IDO2: variants seen among roughly 807,000 people sequenced by gnomAD.
The protein encoded by IDO2 is indoleamine 2,3-dioxygenase-like 1 protein.
IDO2 carries 46 observed loss-of-function variants against 45.1 expected under a neutral mutation model. The ratio of observed to expected loss-of-function variants is 1.02; its 90% confidence interval spans 0.80 to 1.30. The LOEUF (loss-of-function observed/expected upper bound fraction) is 1.30, where lower values mean the gene tolerates loss of function less well. Ranked by LOEUF, IDO2 falls within the 50% of genes most tolerant of loss-of-function variation. IDO2 has a pLI of 0.00. For missense variants in IDO2, 544 were observed against 491.8 expected, an observed-to-expected ratio of 1.11 and a Z score of -1.00; for synonymous variants, 218 against 184.9, an observed-to-expected ratio of 1.18 and a Z score of -1.45.
chr8:40,010,344 A>G (rs1177947582), intron 9 of IDO2, among the ~76,000 whole-genome samples: 3 of 152,164 alleles, frequency 2.0e-5, no homozygotes, highest in African/African-American at 7.2e-5. Flanking sequence ...CAGGGCCGCA[A>G]CACTCAGGGG....
intron 8 of IDO2, 96 bp from the exon 9 acceptor site, chr8:40,005,231 A>T: frequency 1.5e-6 from 1 of 671,380 alleles, no homozygotes; most frequent in Non-Finnish European, 2.5e-6. Context: ...CATATCAGAT[A>T]GGGAAGGAAC....
intron 3 of IDO2, among the ~76,000 whole-genome samples, chr8:39,974,308 A>G (rs1164907406): frequency 6.6e-6 from 1 of 152,228 alleles, no homozygotes; most frequent in Admixed American, 6.5e-5. Context: ...TGGTAAAAAC[A>G]TGAATAGTAA....
At chr8:39,941,132 G>C (rs1201767269) in intron 1 of IDO2, among the ~76,000 whole-genome samples, 1 of 139,606 alleles carries the variant, frequency 7.2e-6, no homozygotes, top group East Asian at 2.3e-4. Context: ...TGAGGCAGGA[G>C]AAATGCTTGA....
intron 1 of IDO2, among the ~76,000 whole-genome samples, chr8:39,945,645 A>G (rs1807717294): frequency 6.6e-6 from 1 of 152,162 alleles, no homozygotes; most frequent in South Asian, 2.1e-4. Context: ...TATAACGAGG[A>G]GTGTCTGACA....
intron 2 of IDO2, 47 bp downstream of exon 2, chr8:39,949,311 G>A (rs770647740): frequency 1.7e-5 from 24 of 1,427,310 alleles, no homozygotes; most frequent in Non-Finnish European, 2.2e-5. Flanking sequence ...TGTTTCTTGA[G>A]ATGTTGGTTG....
intron 2 of IDO2, among the ~76,000 whole-genome samples, chr8:39,957,042 CAAAAAAAAAAAA>C (rs56064306): frequency 3.2e-5 from 1 of 31,342 alleles, no homozygotes; most frequent in Non-Finnish European, 6.0e-5. Context: ...GACTCCATCT[CAAAAAAAAAAAA>C]AAAAAAAAAA....
intron 1 of IDO2, among the ~76,000 whole-genome samples, chr8:39,940,996 G>A (rs978212836): frequency 1.1e-4 from 16 of 151,140 alleles, no homozygotes; most frequent in South Asian, 6.3e-4. Flanking sequence ...TGAGGCAGGC[G>A]GATCACCTGA....
At chr8:39,951,275 A>ATTTTTTTTTTTTTT (rs71220803) in intron 2 of IDO2, among the ~76,000 whole-genome samples, 1 of 136,030 alleles carries the variant, frequency 7.4e-6, no homozygotes. Flanking sequence ...GGACCCCAAG[A>ATTTTTTTTTTTTTT]TTTTTTTTTT....
At chr8:39,973,306 TAC>T (rs1217971734) in intron 3 of IDO2, among the ~76,000 whole-genome samples, 1 of 152,192 alleles carries the variant, frequency 6.6e-6, no homozygotes, top group Non-Finnish European at 1.5e-5. Flanking sequence ...TATTTATATA[TAC>T]ACACACATGC....
At chr8:39,962,285 T>C (rs1808010629) in intron 2 of IDO2, among the ~76,000 whole-genome samples, 1 of 152,218 alleles carries the variant, frequency 6.6e-6, no homozygotes, top group Non-Finnish European at 1.5e-5. Flanking sequence ...TCCAAGTGTA[T>C]CTTTAATATA....
chr8:39,953,200 C>G (rs1807836998), intron 2 of IDO2, among the ~76,000 whole-genome samples: 1 of 152,078 alleles, frequency 6.6e-6, no homozygotes, highest in African/African-American at 2.4e-5. Flanking sequence ...CAGGGCCAGG[C>G]CTGGAGTTCA....
chr8:39,977,830 C>T (rs1808284824), intron 3 of IDO2, among the ~76,000 whole-genome samples: 1 of 152,122 alleles, frequency 6.6e-6, no homozygotes, highest in Admixed American at 6.6e-5. Flanking sequence ...GGCACATAGT[C>T]GGTGTATACA....
intron 9 of IDO2, among the ~76,000 whole-genome samples, chr8:40,012,653 AAGT>A (rs1802325149): frequency 6.6e-6 from 1 of 152,204 alleles, no homozygotes; most frequent in Non-Finnish European, 1.5e-5. Context: ...ACAGGAAAAT[AAGT>A]AAAACAGATG....
chr8:40,007,485 G>T (rs1440522723), intron 9 of IDO2, among the ~76,000 whole-genome samples: 1 of 151,702 alleles, frequency 6.6e-6, no homozygotes, highest in Non-Finnish European at 1.5e-5. Context: ...AAAGAAGGGT[G>T]CAGAAATGGA....
At chr8:40,013,004 T>C (rs1415417001) in intron 9 of IDO2, among the ~76,000 whole-genome samples, 8 of 152,174 alleles carry the variant, frequency 5.3e-5, no homozygotes, top group Non-Finnish European at 1.0e-4. Context: ...TTGAGTAATA[T>C]CCAGAATTGG....
chr8:39,943,965 G>C (rs1807692994), intron 1 of IDO2, among the ~76,000 whole-genome samples: 1 of 152,034 alleles, frequency 6.6e-6, no homozygotes, highest in South Asian at 2.1e-4. Flanking sequence ...GGCACAGAAG[G>C]AGCTGAGGCC....
intron 8 of IDO2, among the ~76,000 whole-genome samples, chr8:39,992,853 C>T (rs1801959902): frequency 6.6e-6 from 1 of 152,280 alleles, no homozygotes; most frequent in South Asian, 2.1e-4. Context: ...GCCCTTCACA[C>T]TCAGGGCTGA....
At chr8:39,955,348 G>T (rs962854227) in intron 2 of IDO2, among the ~76,000 whole-genome samples, 1 of 147,242 alleles carries the variant, frequency 6.8e-6, no homozygotes, top group Non-Finnish European at 1.5e-5. Context: ...TCTGCCTCCT[G>T]GGTTCAAGTG....
chr8:39,943,896 A>G (rs1382230925), intron 1 of IDO2, among the ~76,000 whole-genome samples: 1 of 152,178 alleles, frequency 6.6e-6, no homozygotes, highest in African/African-American at 2.4e-5. Context: ...GCAATCAAAC[A>G]GGGGAAGTGG....
Sources: allele counts gnomAD v4.1 joint callset (sites outside exome capture counted in the v4.1 genomes callset), GRCh38; gene constraint gnomAD v4.1.1; transcripts MANE v1.5; gene names NCBI Gene and HGNC (gene_info 2026-07-23, HGNC 2026-07-21).